Variants in BCAS3 observed in about 807,000 individuals in gnomAD.
BCAS3 encodes BCAS4/BCAS3 fusion.
In BCAS3, 53 loss-of-function variants were observed where a neutral mutation model predicts 116.1. That is an observed-to-expected ratio of 0.46 (90% confidence interval 0.37 to 0.57). The LOEUF (loss-of-function observed/expected upper bound fraction) is 0.57, where lower values mean the gene tolerates loss of function less well. Among genes scored for constraint, BCAS3 ranks in the 20% least tolerant of loss-of-function variants. The pLI, the probability that BCAS3 is intolerant of heterozygous loss-of-function variation, is 0.00. For synonymous variants in BCAS3, 391 were observed against 408.2 expected, an observed-to-expected ratio of 0.96 and a Z score of 0.51; for missense variants, 917 against 1,165.4, an observed-to-expected ratio of 0.79 and a Z score of 3.10.
At chr17:61,061,687 T>C (rs2070057665) in intron 19 of BCAS3, among the ~76,000 whole-genome samples, 1 of 152,240 alleles carries the variant, frequency 6.6e-6, no homozygotes, top group African/African-American at 2.4e-5. Flanking sequence ...CTTGAATTTA[T>C]AATGGAGAAT....
chr17:60,792,335 C>T (rs996271906), intron 6 of BCAS3, among the ~76,000 whole-genome samples: 12 of 152,206 alleles, frequency 7.9e-5, no homozygotes, highest in Non-Finnish European at 7.3e-5. Context: ...TCGAGCTGCC[C>T]GCCCTGCCAT....
At chr17:60,999,464 C>T (rs1429420375) in intron 15 of BCAS3, among the ~76,000 whole-genome samples, 4 of 151,330 alleles carry the variant, frequency 2.6e-5, no homozygotes, top group East Asian at 1.9e-4. Context: ...TCACCTGAAC[C>T]CGCGAGCTGA....
chr17:61,336,541 C>T (rs1001841089), intron 22 of BCAS3, among the ~76,000 whole-genome samples: 15 of 152,212 alleles, frequency 9.9e-5, no homozygotes, highest in Non-Finnish European at 2.1e-4. Flanking sequence ...CTGGCAGCAG[C>T]CTTGCCAGTT....
Position 60,910,621 on chromosome 17 carries a change from C to T in BCAS3, c.912C>T (p.Ala304=), listed in dbSNP as rs1269600746. The T allele has an allele frequency of 1.2e-6, 2 of 1,613,360 alleles. No individual in the cohort carries two copies. The highest frequency in any genetic ancestry group is 1.7e-5 in the Admixed American group (1 of 59,922). ...CAGGTGTGACAGAAGATGATGTTGC[C>T]ATCCACAGTAATTCACGGCGGAGTC... is the stretch of plus-strand genomic sequence containing the variant. ...LPSGVTEDDV[A]IHSNSRRSPL... The change falls in exon 12 of 24, where the codon GCC becomes GCT. Residue 304 remains alanine, a synonymous_variant. Coordinates refer to ENST00000407086, the MANE Select transcript of BCAS3 (RefSeq NM_017679.5).
chr17:60,879,063 AG>A (rs1189918884), intron 9 of BCAS3, among the ~76,000 whole-genome samples: 1 of 152,136 alleles, frequency 6.6e-6, no homozygotes, highest in African/African-American at 2.4e-5. Context: ...TGAAAGGTAT[AG>A]GATATAGAGA....
At chr17:61,345,420 A>G (rs1295213878) in intron 22 of BCAS3, among the ~76,000 whole-genome samples, 1 of 152,176 alleles carries the variant, frequency 6.6e-6, no homozygotes, top group African/African-American at 2.4e-5. Context: ...GCTGAGAATG[A>G]GGAAAGAGTT....
At chr17:61,320,675 CAAAA>C (rs76246994) in intron 22 of BCAS3, among the ~76,000 whole-genome samples, 1 of 97,098 alleles carries the variant, frequency 1.0e-5, no homozygotes. Flanking sequence ...GACTCTGTCT[CAAAA>C]AAAAAAAAAA....
intron 22 of BCAS3, among the ~76,000 whole-genome samples, chr17:61,256,000 T>A (rs993192378): frequency 2.6e-5 from 4 of 152,208 alleles, no homozygotes; most frequent in African/African-American, 9.6e-5. Context: ...GACAAGTTAT[T>A]TTCTGAAACT....
At chr17:60,791,505 T>C (rs2144541314) in intron 6 of BCAS3, among the ~76,000 whole-genome samples, 1 of 152,186 alleles carries the variant, frequency 6.6e-6, no homozygotes, top group South Asian at 2.1e-4. Context: ...TATTAAAGAA[T>C]TAGCTGGGCA....
intron 19 of BCAS3, among the ~76,000 whole-genome samples, chr17:61,059,061 A>ATTTTTTTTTTTTTTT (rs1665097071): frequency 2.8e-5 from 1 of 35,834 alleles, no homozygotes; most frequent in Non-Finnish European, 6.4e-5. Context: ...TTTTCTCCCC[A>ATTTTTTTTTTTTTTT]TCTTTTTTTT....
At position 61,276,565 on chromosome 17, in the gene BCAS3, T is replaced by C. The variant is rs1051963725; in HGVS notation, c.2426-91762T>C. Among the ~76,000 whole-genome samples the C allele has an allele frequency of 6.6e-5, 10 of 152,202 alleles. No homozygotes were observed. The highest frequency in any genetic ancestry group is 2.2e-4 in the African/African-American group (9 of 41,456). On this transcript the variant is annotated intron_variant, in intron 22 of 23. Transcript: ENST00000407086. The surrounding 1 kb of genome is among the most constrained non-coding windows in gnomAD (Gnocchi z 4.2). ...ACTAAATAAATGGAAAGATACTCCA[T>C]GTTTATAGATCAGAAGACAAAATTG...
At chr17:60,858,321 A>T (rs1159833914) in intron 7 of BCAS3, among the ~76,000 whole-genome samples, 1 of 151,312 alleles carries the variant, frequency 6.6e-6, no homozygotes, top group Non-Finnish European at 1.5e-5. Context: ...TGTGCTCCAT[A>T]CCTTCCTCCT....
intron 6 of BCAS3, among the ~76,000 whole-genome samples, chr17:60,776,638 G>A (rs1338227642): frequency 6.7e-6 from 1 of 149,448 alleles, no homozygotes; most frequent in African/African-American, 2.5e-5. Context: ...AGAATCGCTT[G>A]AACCTGGGAG....
intron 7 of BCAS3, among the ~76,000 whole-genome samples, chr17:60,828,176 AG>A (rs1243581449): frequency 6.6e-6 from 1 of 152,240 alleles, no homozygotes; most frequent in Non-Finnish European, 1.5e-5. Context: ...GAAAACCAAA[AG>A]GGAAAGAACA....
In BCAS3 at chr17:61,278,088, G is replaced by T. The variant is rs1199415669; in HGVS notation, c.2426-90239G>T. On this transcript the variant is annotated intron_variant, in intron 22 of 23. Transcript: ENST00000407086. The surrounding 1 kb of genome is among the most constrained non-coding windows in gnomAD (Gnocchi z 5.8). ...GTCACACTGTGTAGCCCAGGCTGGA[G>T]TGAGGTGGTACAATCTTGGTTCACT... Among the ~76,000 whole-genome samples the T allele has an allele frequency of 1.3e-5, 2 of 152,218 alleles. No homozygotes were observed. Among genetic ancestry groups the T allele is most frequent in the Admixed American group, 1.3e-4 (2 of 15,282 alleles).
intron 22 of BCAS3, among the ~76,000 whole-genome samples, chr17:61,310,231 C>T (rs1421832662): frequency 6.6e-6 from 1 of 152,138 alleles, no homozygotes; most frequent in Non-Finnish European, 1.5e-5. Flanking sequence ...CCCCAAGGAT[C>T]CTTTGAATAA....
intron 10 of BCAS3, among the ~76,000 whole-genome samples, chr17:60,891,210 C>T (rs2057125031): frequency 6.6e-6 from 1 of 152,148 alleles, no homozygotes; most frequent in African/African-American, 2.4e-5. Context: ...ACATTCAAGA[C>T]AAAGATGTAT....
chr17:60,741,107 G>A (rs1419491198), intron 5 of BCAS3, among the ~76,000 whole-genome samples: 1 of 152,154 alleles, frequency 6.6e-6, no homozygotes, highest in Non-Finnish European at 1.5e-5. Context: ...GAGTCCTGAG[G>A]TTCTCGCTTG....
At chr17:61,015,703 A>G in intron 15 of BCAS3, 48 bp from the exon 16 acceptor site, 1 of 1,591,496 alleles carries the variant, frequency 6.3e-7, no homozygotes, top group Non-Finnish European at 8.6e-7. Context: ...AGAACGGGAG[A>G]TAGAGAACCT....
Sources: gnomAD v4.1 joint callset for allele counts (sites outside exome capture counted in the v4.1 genomes callset) on GRCh38, gnomAD v4.1.1 for gene constraint, Gnocchi (gnomAD v3.1) non-coding constraint, MANE v1.5 for transcripts, NCBI Gene and HGNC (gene_info 2026-07-23, HGNC 2026-07-21) for gene names.